LYZL4: variants seen among roughly 807,000 people sequenced by gnomAD.
LYZL4 encodes the protein lysozyme like 4.
Under a neutral mutation model 17.6 loss-of-function variants are expected in LYZL4, and 13 were observed. The ratio of observed to expected loss-of-function variants is 0.74; its 90% CI spans 0.48 to 1.18. The LOEUF (loss-of-function observed/expected upper bound fraction) is 1.18. Among genes scored for constraint, LYZL4 ranks in the 50% most tolerant of loss-of-function variants. LYZL4 has a pLI of 0.00. For synonymous variants in LYZL4, 64 were observed against 67.7 expected (o/e 0.95, Z 0.27); for missense variants, 174 against 188.2 (o/e 0.92, Z 0.44).
chr3:42,388,744 T>C, the LYZL4 span, among the ~76,000 whole-genome samples: 1 of 152,240 alleles, frequency 6.6e-6, no homozygotes, highest in Non-Finnish European at 1.5e-5. Context: ...GGATCTCTTG[T>C]AAAAATGACA....
In LYZL4 at chr3:42,404,185, G is replaced by C; in HGVS notation, c.293-61C>G. ...CATATGACAGTTAAGTTAGAGTGAT[G>C]TCAGGGAAGGTACAGGGTACTCACA... On this transcript the variant is annotated intron_variant, in intron 3 of 4. Transcript: ENST00000287748. 6 of 1,093,634 alleles carry C rather than the reference G, an allele frequency of 5.5e-6. No homozygotes were observed. In the South Asian group the frequency reaches 7.7e-5, roughly 14 times the overall value. 67.7% of individuals were successfully genotyped at this position (1,093,634 alleles called of 1,614,324 possible).
the LYZL4 span, among the ~76,000 whole-genome samples, chr3:42,365,576 G>A: frequency 3.3e-5 from 5 of 152,194 alleles, no homozygotes; most frequent in Non-Finnish European, 7.4e-5. Flanking sequence ...AGAACACATC[G>A]AGCCTCTAAT....
the LYZL4 span, among the ~76,000 whole-genome samples, chr3:42,375,637 G>C: frequency 6.6e-6 from 1 of 152,218 alleles, no homozygotes; most frequent in Non-Finnish European, 1.5e-5. Context: ...CAGGACTAGA[G>C]AGGCAGGCTG....
the LYZL4 span, among the ~76,000 whole-genome samples, chr3:42,363,719 A>C: frequency 6.6e-6 from 1 of 152,234 alleles, no homozygotes. Context: ...CAGATGTAGA[A>C]GGAAGGGCGG....
chr3:42,400,291 T>G lies in LYZL4; in HGVS notation c.372-2957A>C, dbSNP rs112601818. Among the ~76,000 whole-genome samples, 728 of 152,304 alleles carry G rather than the reference T, an allele frequency of 4.8e-3. 7 individuals carry two copies. The highest frequency in any genetic ancestry group is 0.017 in the African/African-American group (688 of 41,556). ...ACTGGATAACTGTCCTTTGGTTGCC[T>G]TCTACATAACCACAGCACAGGTCTT... On this transcript the variant is annotated intron_variant, in intron 4 of 4. Coordinates refer to ENST00000287748, the MANE Select transcript of LYZL4 (RefSeq NM_144634.4).
chr3:42,364,339 TTC>T, the LYZL4 span, among the ~76,000 whole-genome samples: 1 of 129,048 alleles, frequency 7.7e-6, no homozygotes, highest in Non-Finnish European at 1.6e-5. Flanking sequence ...CCTTTTTCTT[TTC>T]TTTTTTTTTT....
At chr3:42,367,419 G>A in the LYZL4 span, among the ~76,000 whole-genome samples, 1 of 152,214 alleles carries the variant, frequency 6.6e-6, no homozygotes, top group African/African-American at 2.4e-5. Context: ...GGGGTGGGAA[G>A]AATAAGCGGA....
At chr3:42,385,002 A>C in the LYZL4 span, among the ~76,000 whole-genome samples, 1 of 152,198 alleles carries the variant, frequency 6.6e-6, no homozygotes, top group African/African-American at 2.4e-5. Flanking sequence ...AGGAGTGTTG[A>C]TCTTCACGAC....
At chr3:42,397,784 C>T (rs1187920979) in intron 4 of LYZL4, among the ~76,000 whole-genome samples, 6 of 152,170 alleles carry the variant, frequency 3.9e-5, no homozygotes, top group South Asian at 4.1e-4. Flanking sequence ...CACCTTTCCA[C>T]GTACCTGCTC....
rs1347512200 is a variant in LYZL4, at chr3:42,406,887, C to G, written c.251G>C (p.Cys84Ser). The change falls in exon 3 of 5, where the codon TGT (cysteine) becomes TCT (serine). Residue 84 changes from cysteine to serine, a missense_variant. By Grantham distance (112) the Cys-to-Ser change is moderately radical. Transcript: ENST00000287748. ...GCAGCGGTTCCTGCCATGGTCGCCA[C>G]ACCAGTCACTGCCACGCATCTGAAA... ...GLFQMRGSDW[C>S]GDHGRNRCHM... 1 of 1,614,248 alleles carries G rather than the reference C, an allele frequency of 6.2e-7. No homozygotes were observed. The highest frequency in any genetic ancestry group is 8.5e-7 in the Non-Finnish European group (1 of 1,180,050).
At chr3:42,391,878 T>C in the LYZL4 span, among the ~76,000 whole-genome samples, 12 of 151,554 alleles carry the variant, frequency 7.9e-5, no homozygotes, top group East Asian at 1.9e-4. Context: ...TTCTCTCTCT[T>C]TTTCTTTTTT....
At chr3:42,395,462 A>G (rs955326200), downstream of LYZL4, among the ~76,000 whole-genome samples, 3 of 152,220 alleles carry the variant, frequency 2.0e-5, no homozygotes, top group East Asian at 5.8e-4. Flanking sequence ...ACAAAACTGT[A>G]TGTTTAGTAG....
chr3:42,389,249 G>A, the LYZL4 span, among the ~76,000 whole-genome samples: 1 of 152,228 alleles, frequency 6.6e-6, no homozygotes, highest in African/African-American at 2.4e-5. Context: ...TCCTCTGACA[G>A]AAACTGTTCT....
chr3:42,364,364 C>T, the LYZL4 span, among the ~76,000 whole-genome samples: 3 of 111,168 alleles, frequency 2.7e-5, no homozygotes, highest in Admixed American at 1.2e-4. Flanking sequence ...TTTTTTCAGG[C>T]GGAGTCTTGC....
At chr3:42,390,167 C>T in the LYZL4 span, among the ~76,000 whole-genome samples, 1 of 152,118 alleles carries the variant, frequency 6.6e-6, no homozygotes, top group Non-Finnish European at 1.5e-5. Context: ...AGATTGGTGG[C>T]TATAAGGTCT....
At chr3:42,383,601 G>A in the LYZL4 span, among the ~76,000 whole-genome samples, 2 of 151,938 alleles carry the variant, frequency 1.3e-5, no homozygotes, top group South Asian at 4.2e-4. Context: ...AAAATAAATA[G>A]GTAGAAAGAA....
downstream of LYZL4, among the ~76,000 whole-genome samples, chr3:42,395,383 T>G (rs1698536820): frequency 1.3e-5 from 2 of 152,200 alleles, no homozygotes; most frequent in South Asian, 4.1e-4. Flanking sequence ...TTGTTAAAAA[T>G]GGTGCTAGGA....
the LYZL4 span, among the ~76,000 whole-genome samples, chr3:42,390,264 C>T: frequency 6.6e-6 from 1 of 152,164 alleles, no homozygotes; most frequent in Non-Finnish European, 1.5e-5. Context: ...TTAAGATGCC[C>T]ACAGCAGGCA....
At chr3:42,400,601 A>G (rs960007138) in intron 4 of LYZL4, among the ~76,000 whole-genome samples, 2 of 152,236 alleles carry the variant, frequency 1.3e-5, no homozygotes, top group Non-Finnish European at 2.9e-5. Flanking sequence ...TTCATCAATG[A>G]TTTAATAACA....
Sources: allele counts gnomAD v4.1 joint callset (sites outside exome capture counted in the v4.1 genomes callset), GRCh38; gene constraint gnomAD v4.1.1; transcripts MANE v1.5; gene names NCBI Gene and HGNC (gene_info 2026-07-23, HGNC 2026-07-21).